The following PTPRK variants were observed in gnomAD, a reference collection of about 807,000 sequenced individuals.
The protein encoded by PTPRK is receptor-type tyrosine-protein phosphatase kappa.
Under a neutral mutation model 178.0 loss-of-function variants are expected in PTPRK, and 75 were observed. The ratio of observed to expected loss-of-function variants is 0.42; its 90% CI spans 0.35 to 0.51. PTPRK has a LOEUF of 0.51. Among genes scored for constraint, PTPRK ranks in the 20% least tolerant of loss-of-function variants. The pLI, the probability that PTPRK is intolerant of heterozygous loss-of-function variation, is 0.02. For synonymous variants in PTPRK, 637 were observed against 620.6 expected (o/e 1.03, Z -0.39); for missense variants, 1,441 against 1,797.8 (o/e 0.80, Z 3.59).
intron 3 of PTPRK, among the ~76,000 whole-genome samples, chr6:128,256,057 T>C (rs996931178): frequency 2.6e-5 from 4 of 152,190 alleles, no homozygotes; most frequent in African/African-American, 4.8e-5. Context: ...ATTTATGGAG[T>C]GTCTAATATT....
chr6:128,516,501 CA>C (rs71685138), intron 1 of PTPRK, among the ~76,000 whole-genome samples: 20,180 of 151,748 alleles, frequency 0.13, 1,527 homozygotes, highest in African/African-American at 0.19. Context: ...CAATCAAAAC[CA>C]AAAAAAACTA....
chr6:128,040,020 G>T (rs1246004136), intron 13 of PTPRK, among the ~76,000 whole-genome samples: 1 of 152,142 alleles, frequency 6.6e-6, no homozygotes, highest in African/African-American at 2.4e-5. Flanking sequence ...TTAATAAAGT[G>T]GTTGCTGTTG....
At chr6:128,197,298 C>T (rs1448369516) in intron 6 of PTPRK, among the ~76,000 whole-genome samples, 1 of 149,936 alleles carries the variant, frequency 6.7e-6, no homozygotes, top group Non-Finnish European at 1.5e-5. Context: ...CACCTATCAA[C>T]CTGTCATCTG....
chr6:128,125,597 CTTTTCT>C lies in PTPRK; in HGVS notation c.1163-35611_1163-35606del, dbSNP rs1220612043. On this transcript the variant is annotated intron_variant, in intron 7 of 29. Coordinates refer to ENST00000368226, the MANE Select transcript of PTPRK (RefSeq NM_002844.4). The stretch of plus-strand genomic sequence containing the variant: ...ACAGACTAATACACTTGCCTTTGGG[CTTTTCT>C]TTTTTTTTTTTTTTTTTTTTTTTTT... Among the ~76,000 whole-genome samples, 5 of 82,144 alleles carry C rather than the reference CTTTTCT, an allele frequency of 6.1e-5. 1 individual carries two copies. Among genetic ancestry groups the C allele is most frequent in the Middle Eastern group, 7.7e-3 (1 of 130 alleles). 53.9% of individuals were successfully genotyped at this position (82,144 alleles called of 152,430 possible). A position where few individuals can be genotyped will look rare whatever the true frequency, so the allele number is the denominator to read the frequency against.
intron 3 of PTPRK, among the ~76,000 whole-genome samples, chr6:128,275,888 C>G (rs1389693981): frequency 6.6e-6 from 1 of 151,914 alleles, no homozygotes; most frequent in African/African-American, 2.4e-5. Context: ...TCTTATTTTT[C>G]TTTGCCACAT....
rs73772006 is a variant in PTPRK, at chr6:128,108,831, T to C, written c.1163-18839A>G. ...TTCTGATGAGGTACCTCTTCCAGAT[T>C]ACAGATAGCTGCCTTCTATTTTTGT... is the stretch of plus-strand genomic sequence containing the variant. On this transcript the variant is annotated intron_variant, in intron 7 of 29. Coordinates refer to ENST00000368226, the MANE Select transcript of PTPRK (RefSeq NM_002844.4). Among the ~76,000 whole-genome samples, 983 of 152,244 alleles carry C rather than the reference T, an allele frequency of 6.5e-3. 10 individuals are homozygous for C. The highest frequency in any genetic ancestry group is 0.023 in the African/African-American group (953 of 41,548).
At chr6:128,193,816 A>T (rs540535165) in intron 6 of PTPRK, among the ~76,000 whole-genome samples, 1 of 152,206 alleles carries the variant, frequency 6.6e-6, no homozygotes, top group East Asian at 1.9e-4. Flanking sequence ...ACCTGCTTGA[A>T]ATAAAAAGGC....
At position 127,998,324 on chromosome 6, in the gene PTPRK, C is replaced by CA. The variant is rs143615138; in HGVS notation, c.2679+395dup. On this transcript the variant is annotated intron_variant, in intron 16 of 29. Coordinates refer to ENST00000368226, the MANE Select transcript of PTPRK (RefSeq NM_002844.4). ...TCTGATTTCTCAACCATAAGGTCAA[C>CA]AAAAAAAGGGGCAGAGAAGTACCTG... 9.9e-3 allele frequency among the ~76,000 whole-genome samples: 1,497 copies of CA among 151,480 alleles called. 26 individuals carry two copies. Among genetic ancestry groups the CA allele is most frequent in the African/African-American group, 0.035 (1,429 of 41,354 alleles).
intron 1 of PTPRK, among the ~76,000 whole-genome samples, chr6:128,431,612 T>C (rs1844845382): frequency 6.6e-6 from 1 of 152,174 alleles, no homozygotes; most frequent in Non-Finnish European, 1.5e-5. Context: ...GAACTGAAAA[T>C]GCTCAAGACA....
chr6:128,241,563 G>A (rs76790226), intron 4 of PTPRK, among the ~76,000 whole-genome samples: 2,687 of 152,204 alleles, frequency 0.018, 81 homozygotes, highest in African/African-American at 0.062. Context: ...CAGAATTCAC[G>A]GGCCCTATAA....
intron 7 of PTPRK, among the ~76,000 whole-genome samples, chr6:128,159,491 T>C (rs1562697530): frequency 6.6e-6 from 1 of 151,888 alleles, no homozygotes; most frequent in Non-Finnish European, 1.5e-5. Context: ...TATGTTCCAT[T>C]ACCACAGTTT....
At chr6:127,980,694 T>C (rs986024765) in intron 25 of PTPRK, among the ~76,000 whole-genome samples, 1 of 152,296 alleles carries the variant, frequency 6.6e-6, no homozygotes, top group East Asian at 1.9e-4. Context: ...ACAAATTAAT[T>C]GTAAATTATT....
intron 7 of PTPRK, among the ~76,000 whole-genome samples, chr6:128,151,286 T>C (rs1378598347): frequency 1.3e-5 from 2 of 152,078 alleles, no homozygotes; most frequent in Non-Finnish European, 1.5e-5. Flanking sequence ...TCCCATATGA[T>C]TGCTCTATCA....
intron 1 of PTPRK, among the ~76,000 whole-genome samples, chr6:128,466,106 A>G (rs1849813230): frequency 6.6e-6 from 1 of 152,118 alleles, no homozygotes; most frequent in Non-Finnish European, 1.5e-5. Context: ...ATGACTTGTT[A>G]CTCAGTTGTT....
chr6:128,445,952 T>C (rs914331760), intron 1 of PTPRK, among the ~76,000 whole-genome samples: 8 of 152,154 alleles, frequency 5.3e-5, no homozygotes, highest in South Asian at 4.1e-4. Context: ...CCATCTTGTA[T>C]AGGTTAAGAC....
rs960222396 is a variant in PTPRK at position 128,220,677 on chromosome 6, G to A, written c.694-1581C>T. Among the ~76,000 whole-genome samples the A allele has an allele frequency of 3.9e-5, 6 of 152,244 alleles. No individual in the cohort carries two copies. The South Asian group carries it at 1.2e-3, about 32-fold the overall frequency. On this transcript the variant is annotated intron_variant, in intron 5 of 29. Transcript: ENST00000368226. The stretch of plus-strand genomic sequence containing the variant: ...CCACATTTGAACCACCAGTGTATGT[G>A]GGATCAAGGAGATACGTACAAGATG...
chr6:128,456,805 T>C (rs954569854), intron 1 of PTPRK, among the ~76,000 whole-genome samples: 2 of 152,152 alleles, frequency 1.3e-5, no homozygotes, highest in African/African-American at 2.4e-5. Context: ...ATGTCCTTCA[T>C]TGGCTTTTTA....
chr6:128,292,322 A>G (rs1011687587), intron 3 of PTPRK, among the ~76,000 whole-genome samples: 5 of 152,064 alleles, frequency 3.3e-5, no homozygotes, highest in Admixed American at 2.6e-4. Flanking sequence ...AAATCTTCTC[A>G]TAGTATTTAT....
At chr6:128,115,353 A>G (rs1474861455) in intron 7 of PTPRK, among the ~76,000 whole-genome samples, 1 of 152,148 alleles carries the variant, frequency 6.6e-6, no homozygotes, top group African/African-American at 2.4e-5. Context: ...ATAGCCACAT[A>G]TAAAATTGGA....
Sources: gnomAD v4.1 joint callset for allele counts (sites outside exome capture counted in the v4.1 genomes callset) on GRCh38, gnomAD v4.1.1 for gene constraint, MANE v1.5 for transcripts, NCBI Gene and HGNC (gene_info 2026-07-23, HGNC 2026-07-21) for gene names.